TEAD1: variants seen among roughly 807,000 people sequenced by gnomAD.
TEAD1 encodes transcriptional enhancer factor TEF-1.
A neutral mutation model predicts 54.9 loss-of-function variants in TEAD1; 9 were observed. The ratio of observed to expected loss-of-function variants is 0.16; its 90% confidence interval spans 0.10 to 0.29. The LOEUF is 0.29. Among genes scored for constraint, TEAD1 ranks in the 10% least tolerant of loss-of-function variants. The pLI, the probability that TEAD1 is intolerant of heterozygous loss-of-function variation, is 1.00. For missense variants in TEAD1, 387 were observed against 535.9 expected (o/e 0.72, Z 2.74); for synonymous variants, 200 against 187.8 (o/e 1.07, Z -0.53).
intron 5 of TEAD1, among the ~76,000 whole-genome samples, chr11:12,875,004 G>A (rs545856101): frequency 1.6e-4 from 24 of 152,182 alleles, no homozygotes; most frequent in East Asian, 5.8e-4. Flanking sequence ...ATATGCACAC[G>A]CACGCACACA....
chr11:12,724,270 T>G (rs1380394793), intron 2 of TEAD1, among the ~76,000 whole-genome samples: 1 of 152,198 alleles, frequency 6.6e-6, no homozygotes, highest in African/African-American at 2.4e-5. Context: ...AGTAGGAGAA[T>G]CCGATATTGG....
At chr11:12,928,262 C>T (rs1351410468) in intron 11 of TEAD1, among the ~76,000 whole-genome samples, 3 of 149,430 alleles carry the variant, frequency 2.0e-5, no homozygotes, top group African/African-American at 4.9e-5. Context: ...AAGTAATATT[C>T]GTCTATACTT....
chr11:12,766,984 C>T (rs1381710431), intron 3 of TEAD1, among the ~76,000 whole-genome samples: 4 of 152,154 alleles, frequency 2.6e-5, no homozygotes, highest in Non-Finnish European at 5.9e-5. Flanking sequence ...AACTCCCTGT[C>T]TCTGGTCGAC....
At chr11:12,781,668 A>G (rs1412454999) in intron 3 of TEAD1, among the ~76,000 whole-genome samples, 4 of 151,584 alleles carry the variant, frequency 2.6e-5, no homozygotes, top group African/African-American at 9.7e-5. Context: ...ACAGACAATA[A>G]CAAGTGTTAG....
At chr11:12,675,169 C>T (rs561113565) in intron 1 of TEAD1, among the ~76,000 whole-genome samples, 1 of 150,730 alleles carries the variant, frequency 6.6e-6, no homozygotes, top group African/African-American at 2.4e-5. Flanking sequence ...ACGCACACAC[C>T]CTCGGGCGCC....
chr11:12,717,433 TG>T (rs1380522002), intron 2 of TEAD1, among the ~76,000 whole-genome samples: 1 of 152,150 alleles, frequency 6.6e-6, no homozygotes, highest in Non-Finnish European at 1.5e-5. Context: ...AGGTGGACAG[TG>T]GAATTACACC....
intron 2 of TEAD1, among the ~76,000 whole-genome samples, chr11:12,709,346 T>TAA (rs60875630): frequency 2.1e-5 from 3 of 144,814 alleles, no homozygotes; most frequent in African/African-American, 5.0e-5. Context: ...TCAAAAAAAA[T>TAA]AAAAAAAAAA....
intron 3 of TEAD1, among the ~76,000 whole-genome samples, chr11:12,846,991 A>C (rs1947167076): frequency 6.6e-6 from 1 of 152,132 alleles, no homozygotes; most frequent in African/African-American, 2.4e-5. Context: ...TGCATTCCAT[A>C]AGCATCCAAC....
chr11:12,846,476 G>A (rs903067928), intron 3 of TEAD1, among the ~76,000 whole-genome samples: 3 of 152,052 alleles, frequency 2.0e-5, no homozygotes, highest in Non-Finnish European at 4.4e-5. Flanking sequence ...TTCAGGGCCC[G>A]AGCCACATAA....
At chr11:12,834,220 G>T (rs181656161) in intron 3 of TEAD1, among the ~76,000 whole-genome samples, 3 of 152,302 alleles carry the variant, frequency 2.0e-5, no homozygotes, top group Non-Finnish European at 4.4e-5. Flanking sequence ...AGAGGGGAGG[G>T]TGAGATATGA....
chr11:12,781,976 GAA>G (rs1436210098), intron 3 of TEAD1, among the ~76,000 whole-genome samples: 3 of 119,844 alleles, frequency 2.5e-5, no homozygotes, highest in African/African-American at 4.8e-5. Context: ...AAAAAAGAAA[GAA>G]AAAAAGAAAA....
intron 3 of TEAD1, among the ~76,000 whole-genome samples, chr11:12,833,543 C>G (rs1333442687): frequency 6.6e-6 from 1 of 151,976 alleles, no homozygotes; most frequent in African/African-American, 2.4e-5. Flanking sequence ...CATGTAAAAT[C>G]TGAAAATGTG....
chr11:12,761,345 T>C (rs969880882), intron 2 of TEAD1, among the ~76,000 whole-genome samples: 23 of 152,184 alleles, frequency 1.5e-4, no homozygotes, highest in Non-Finnish European at 3.2e-4. Flanking sequence ...CTTCCCAAAG[T>C]GGATCTACAT....
intron 3 of TEAD1, among the ~76,000 whole-genome samples, chr11:12,802,782 A>ACC (rs1303058253): frequency 1.3e-5 from 2 of 152,220 alleles, no homozygotes; most frequent in Non-Finnish European, 2.9e-5. Flanking sequence ...ACTCGGAGAT[A>ACC]CCGAGGCCTG....
chr11:12,700,469 C>A lies in TEAD1; in HGVS notation c.-55+24908C>A, dbSNP rs946640286. ...GTTTAAATAATAAGAGAAACCAAAT[C>A]ATAAACATACAGTACATTCTAAAAT... is the stretch of plus-strand genomic sequence containing the variant. On this transcript the variant is annotated intron_variant, in intron 2 of 12. Coordinates refer to ENST00000527636, the MANE Select transcript of TEAD1 (RefSeq NM_021961.6). Among the ~76,000 whole-genome samples the A allele has an allele frequency of 3.9e-5, 6 of 152,158 alleles. No individual in the cohort carries two copies. The South Asian group carries it at 1.2e-3, about 32-fold the overall frequency.
chr11:12,920,703 A>G (rs1470246835), intron 10 of TEAD1, among the ~76,000 whole-genome samples: 1 of 152,214 alleles, frequency 6.6e-6, no homozygotes, highest in East Asian at 1.9e-4. Flanking sequence ...CAACTAGTAC[A>G]ATGTTAGCTT....
At chr11:12,836,279 G>A (rs559707136) in intron 3 of TEAD1, among the ~76,000 whole-genome samples, 1 of 152,196 alleles carries the variant, frequency 6.6e-6, no homozygotes, top group Admixed American at 6.5e-5. Context: ...AATTAGCCGG[G>A]CGTGGTGGCG....
At chr11:12,698,195 T>A (rs1275629277) in intron 2 of TEAD1, among the ~76,000 whole-genome samples, 2 of 152,182 alleles carry the variant, frequency 1.3e-5, no homozygotes, top group Non-Finnish European at 2.9e-5. Flanking sequence ...CAACTTGGTT[T>A]GTGCAAGTGA....
chr11:12,717,817 C>T (rs888862767), intron 2 of TEAD1, among the ~76,000 whole-genome samples: 19 of 152,214 alleles, frequency 1.2e-4, no homozygotes, highest in African/African-American at 4.1e-4. Flanking sequence ...TGGGCTCAGA[C>T]TGCCTGGCTC....
Sources: gnomAD v4.1 joint callset for allele counts (sites outside exome capture counted in the v4.1 genomes callset) on GRCh38, gnomAD v4.1.1 for gene constraint, MANE v1.5 for transcripts, NCBI Gene and HGNC (gene_info 2026-07-23, HGNC 2026-07-21) for gene names.